TEX264: variants seen among roughly 807,000 people sequenced by gnomAD.
The protein encoded by TEX264 is testis-expressed protein 264.
TEX264 carries 13 observed loss-of-function variants against 23.4 expected under a neutral mutation model. The observed-to-expected ratio is 0.56, with a 90% CI of 0.36 to 0.88. The LOEUF is 0.88. Among genes scored for constraint, TEX264 ranks in the 40% least tolerant of loss-of-function variants. The pLI is 0.01. For synonymous variants in TEX264, 159 were observed against 170.0 expected (o/e 0.94, Z 0.50); for missense variants, 340 against 406.8 (o/e 0.84, Z 1.41).
At chr3:51,675,378 A>G (rs899120402) in intron 2 of TEX264, among the ~76,000 whole-genome samples, 1 of 152,178 alleles carries the variant, frequency 6.6e-6, no homozygotes, top group Non-Finnish European at 1.5e-5. Context: ...CAAACCAAGC[A>G]TTTGGAATCC....
At chr3:51,675,228 C>T (rs534870879) in intron 2 of TEX264, among the ~76,000 whole-genome samples, 44 of 152,316 alleles carry the variant, frequency 2.9e-4, no homozygotes, top group South Asian at 4.1e-4. Context: ...ACCCTGTGAG[C>T]GTCTGGCTGT....
At chr3:51,692,007 T>C (rs1315997437) in intron 3 of TEX264, among the ~76,000 whole-genome samples, 2 of 152,176 alleles carry the variant, frequency 1.3e-5, no homozygotes, top group Admixed American at 6.5e-5. Flanking sequence ...ACCTGCTCCT[T>C]AGCCTCTCTG....
At chr3:51,702,737 G>A (rs765154900) in intron 4 of TEX264, among the ~76,000 whole-genome samples, 14 of 152,236 alleles carry the variant, frequency 9.2e-5, no homozygotes, top group Non-Finnish European at 1.5e-4. Context: ...GCGAGCCTGA[G>A]CCATGTGTTC....
chr3:51,688,588 T>C (rs1577513259), intron 3 of TEX264, among the ~76,000 whole-genome samples: 1 of 152,254 alleles, frequency 6.6e-6, no homozygotes, highest in East Asian at 1.9e-4. Context: ...GGAGGGTCTT[T>C]GTAAAATGGT....
chr3:51,677,148 A>G (rs1475439180), intron 2 of TEX264, among the ~76,000 whole-genome samples: 1 of 152,200 alleles, frequency 6.6e-6, no homozygotes, highest in African/African-American at 2.4e-5. Flanking sequence ...CATATTATGG[A>G]GGGAGAAACA....
chr3:51,688,438 G>A (rs1702703254), intron 3 of TEX264, among the ~76,000 whole-genome samples: 1 of 152,208 alleles, frequency 6.6e-6, no homozygotes, highest in Admixed American at 6.5e-5. Context: ...ATATCTGTCT[G>A]TAGCACTTGG....
At chr3:51,684,287 T>C in intron 2 of TEX264, 126 bp from the exon 3 acceptor site, 1 of 806,654 alleles carries the variant, frequency 1.2e-6, no homozygotes, top group Admixed American at 2.4e-5. Flanking sequence ...TCCTGGTATC[T>C]GGGGCTGCAT....
chr3:51,703,269 G>A lies in TEX264; in HGVS notation c.650-455G>A, dbSNP rs1703382034. 6.6e-6 allele frequency among the ~76,000 whole-genome samples: 1 copy of A among 152,182 alleles called. No homozygotes were observed. Among genetic ancestry groups the A allele is most frequent in the African/African-American group, 2.4e-5 (1 of 41,438 alleles). On this transcript the variant is annotated intron_variant, in intron 4 of 4. Coordinates refer to ENST00000341333, the MANE Select transcript of TEX264 (RefSeq NM_015926.6). The surrounding 1 kb of genome is among the most constrained non-coding windows in gnomAD (Gnocchi z 4.8). The stretch of plus-strand genomic sequence containing the variant: ...CATTCTGCAGTCCTCGTGCCCTGTG[G>A]GTGATGTTCTGTAGCTGGCCCTGGA...
chr3:51,693,918 A>G (rs539079099), intron 3 of TEX264, among the ~76,000 whole-genome samples: 48 of 152,270 alleles, frequency 3.2e-4, no homozygotes, highest in Non-Finnish European at 5.7e-4. Context: ...TTACCGTCAC[A>G]TAATGGTGTT....
At chr3:51,671,391 GA>G (rs1702036320) in intron 1 of TEX264, 103 bp downstream of exon 1, 1 of 152,776 alleles carries the variant, frequency 6.5e-6, no homozygotes, top group Non-Finnish European at 1.5e-5. Context: ...TCCCCTCCGT[GA>G]CCCCCGCGGC....
At chr3:51,688,087 A>G (rs988993100) in intron 3 of TEX264, among the ~76,000 whole-genome samples, 1 of 152,246 alleles carries the variant, frequency 6.6e-6, no homozygotes, top group Non-Finnish European at 1.5e-5. Flanking sequence ...CTGTGTGACC[A>G]TCACTCCATA....
At position 51,686,433 on chromosome 3, in the gene TEX264, G is replaced by A. The variant is rs1223781251; in HGVS notation, c.480+1799G>A. On this transcript the variant is annotated intron_variant, in intron 3 of 4. Coordinates refer to ENST00000341333, the MANE Select transcript of TEX264 (RefSeq NM_015926.6). The surrounding 1 kb of genome is among the most constrained non-coding windows in gnomAD (Gnocchi z 4.1). ...GGAAATGGGAGTTCAGATGTCCCTG[G>A]AGTCTGGTGTTGGGGCTGAGGAATG... is the stretch of plus-strand genomic sequence containing the variant. Among the ~76,000 whole-genome samples, 1 of 152,200 alleles carries A rather than the reference G, an allele frequency of 6.6e-6. No individual in the cohort carries two copies. The highest frequency in any genetic ancestry group is 1.5e-5 in the Non-Finnish European group (1 of 68,036).
intron 2 of TEX264, among the ~76,000 whole-genome samples, chr3:51,675,707 T>C (rs1702206099): frequency 6.6e-6 from 1 of 152,132 alleles, no homozygotes; most frequent in Non-Finnish European, 1.5e-5. Context: ...AAGGGGTAGA[T>C]TTCAGCTGGG....
At chr3:51,696,943 G>A (rs990299861) in intron 3 of TEX264, among the ~76,000 whole-genome samples, 6 of 152,340 alleles carry the variant, frequency 3.9e-5, no homozygotes, top group Non-Finnish European at 8.8e-5. Flanking sequence ...AGGGGTCTGG[G>A]AGCAGGCTCT....
intron 3 of TEX264, among the ~76,000 whole-genome samples, chr3:51,694,016 T>G: frequency 7.6e-6 from 1 of 132,402 alleles, no homozygotes. Flanking sequence ...CCTTCCTTCC[T>G]TCCTTCCTTC....
At chr3:51,680,684 C>A (rs1273810711) in intron 2 of TEX264, among the ~76,000 whole-genome samples, 1 of 152,216 alleles carries the variant, frequency 6.6e-6, no homozygotes, top group African/African-American at 2.4e-5. Context: ...AATTCTTGTT[C>A]TGGGCAGAGG....
Position 51,703,956 on chromosome 3 carries a change from G to A in TEX264, c.882G>A (p.Glu294=). ...LGESRLDPGT[E]PLGTTKWLWE... ...AGTCACGGCTGGACCCTGGGACTGAGCCCCTGGGGACTACCAAGTGGCTCT... is the reference window on the plus strand; with the variant it reads ...AGTCACGGCTGGACCCTGGGACTGAACCCCTGGGGACTACCAAGTGGCTCT... Residue 294 remains glutamate, a synonymous_variant, in exon 5 of 5, where the codon GAG becomes GAA. Transcript: ENST00000341333. The surrounding 1 kb of genome is among the most constrained non-coding windows in gnomAD (Gnocchi z 4.8). 1 of 1,578,666 alleles carries A rather than the reference G, an allele frequency of 6.3e-7. No homozygotes were observed. The highest frequency in any genetic ancestry group is 1.4e-5 in the African/African-American group (1 of 74,038).
chr3:51,694,943 G>T (rs973453553), intron 3 of TEX264, among the ~76,000 whole-genome samples: 1 of 152,210 alleles, frequency 6.6e-6, no homozygotes, highest in African/African-American at 2.4e-5. Flanking sequence ...ATAATAACGT[G>T]CTACCTTCTA....
rs970040779 is a variant in TEX264 at position 51,697,517 on chromosome 3, G to A, written c.481-1889G>A. 3.3e-5 allele frequency among the ~76,000 whole-genome samples: 5 copies of A among 152,238 alleles called. 1 individual carries two copies. The highest frequency in any genetic ancestry group is 1.5e-5 in the Non-Finnish European group (1 of 68,044). On this transcript the variant is annotated intron_variant, in intron 3 of 4. Transcript: ENST00000341333. ...TACTACCCTTTGGGTCCTTTGTCCAGAGTGTGAGGATGTTGGTGAAGGCCA... is the reference window on the plus strand; with the variant it reads ...TACTACCCTTTGGGTCCTTTGTCCAAAGTGTGAGGATGTTGGTGAAGGCCA...
Sources: allele counts gnomAD v4.1 joint callset (sites outside exome capture counted in the v4.1 genomes callset), GRCh38; gene constraint gnomAD v4.1.1; non-coding constraint Gnocchi (gnomAD v3.1); transcripts MANE v1.5; gene names NCBI Gene and HGNC (gene_info 2026-07-23, HGNC 2026-07-21).